The following TAOK1 variants were observed in gnomAD, a reference collection of about 807,000 sequenced individuals.
TAOK1 encodes the protein serine/threonine-protein kinase TAO1.
A neutral mutation model predicts 138.3 loss-of-function variants in TAOK1; 21 were observed. That is an observed-to-expected ratio of 0.15 (90% CI 0.11 to 0.22). The LOEUF is 0.22. TAOK1 is among the 10% of genes least tolerant of loss of function. TAOK1 has a pLI of 1.00. For synonymous variants in TAOK1, 361 were observed against 398.4 expected (o/e 0.91, Z 1.12); for missense variants, 651 against 1,227.7 (o/e 0.53, Z 7.02).
chr17:29,458,642 A>C (rs1477715310), intron 2 of TAOK1, among the ~76,000 whole-genome samples: 1 of 151,996 alleles, frequency 6.6e-6, no homozygotes, highest in African/African-American at 2.4e-5. Flanking sequence ...AATTACAGAC[A>C]TGCGCCACCA....
chr17:29,531,489 C>G (rs890651552), intron 18 of TAOK1, among the ~76,000 whole-genome samples: 1 of 286 alleles, frequency 3.5e-3, no homozygotes, highest in Non-Finnish European at 0.083. Context: ...AGGCTGCGCG[C>G]CAGTGGCTCA....
intron 17 of TAOK1, among the ~76,000 whole-genome samples, chr17:29,523,583 TCACC>T (rs2031958382): frequency 6.6e-6 from 1 of 152,112 alleles, no homozygotes; most frequent in Non-Finnish European, 1.5e-5. Context: ...GAGACGGGGT[TCACC>T]GTGTTAGCCA....
chr17:29,497,926 A>G (rs1474438037), intron 11 of TAOK1, among the ~76,000 whole-genome samples: 1 of 151,866 alleles, frequency 6.6e-6, no homozygotes, highest in Non-Finnish European at 1.5e-5. Flanking sequence ...TTTTTTTTTA[A>G]AAGGAGAGAT....
intron 1 of TAOK1, among the ~76,000 whole-genome samples, chr17:29,414,975 G>T (rs565841389): frequency 6.6e-6 from 1 of 151,518 alleles, no homozygotes; most frequent in Admixed American, 6.6e-5. Flanking sequence ...TTTTGCTCGG[G>T]GGTGGAGGAA....
At chr17:29,541,004 C>G (rs2032305855) in intron 19 of TAOK1, among the ~76,000 whole-genome samples, 1 of 152,132 alleles carries the variant, frequency 6.6e-6, no homozygotes, top group Non-Finnish European at 1.5e-5. Flanking sequence ...CCACGCCCGG[C>G]CTTGATACAT....
intron 1 of TAOK1, among the ~76,000 whole-genome samples, chr17:29,396,735 C>T (rs746301814): frequency 2.6e-5 from 4 of 151,512 alleles, no homozygotes; most frequent in South Asian, 2.1e-4. Flanking sequence ...TGGTGGCTCA[C>T]GCCTGTAATC....
chr17:29,479,257 A>G (rs907509373), intron 6 of TAOK1, among the ~76,000 whole-genome samples: 2 of 152,064 alleles, frequency 1.3e-5, no homozygotes, highest in Non-Finnish European at 2.9e-5. Flanking sequence ...TTTATAATGT[A>G]TTTTTGGCAC....
chr17:29,393,121 A>C (rs1337389696), intron 1 of TAOK1, among the ~76,000 whole-genome samples: 1 of 152,150 alleles, frequency 6.6e-6, no homozygotes, highest in East Asian at 1.9e-4. Flanking sequence ...GTTGATATGT[A>C]GAGTTTTCTC....
At chr17:29,405,190 G>C (rs187825736) in intron 1 of TAOK1, among the ~76,000 whole-genome samples, 2 of 152,178 alleles carry the variant, frequency 1.3e-5, no homozygotes, top group African/African-American at 4.8e-5. Context: ...GTTTCACCAT[G>C]TTGGTCAGGC....
At position 29,453,171 on chromosome 17, in the gene TAOK1, T is replaced by G. The variant is rs2030285431; in HGVS notation, c.132+1491T>G. Among the ~76,000 whole-genome samples the G allele has an allele frequency of 2.6e-5, 4 of 150,998 alleles. No homozygotes were observed. The South Asian group carries it at 8.4e-4, about 32-fold the overall frequency. ...GTTTCTGGCTTACTTTTTTTTTTTT[T>G]TTTTTTGAGATGGAGTCTCGCTCTA... On this transcript the variant is annotated intron_variant, in intron 2 of 19. Coordinates refer to ENST00000261716, the MANE Select transcript of TAOK1 (RefSeq NM_020791.4).
At chr17:29,413,919 A>G (rs1905205821) in intron 1 of TAOK1, among the ~76,000 whole-genome samples, 1 of 113,488 alleles carries the variant, frequency 8.8e-6, no homozygotes, top group Non-Finnish European at 1.6e-5. Flanking sequence ...GAGTTGCTCT[A>G]TCGCCCAGGC....
intron 19 of TAOK1, among the ~76,000 whole-genome samples, chr17:29,538,275 G>T (rs2032258371): frequency 6.6e-6 from 1 of 152,082 alleles, no homozygotes; most frequent in Admixed American, 6.6e-5. Flanking sequence ...GTTAGTAGTG[G>T]CTATGTTAAT....
chr17:29,546,464 A>T lies in TAOK1; in HGVS notation c.*3442A>T, dbSNP rs930027640. 5 of 152,112 alleles carry T rather than the reference A, an allele frequency of 3.3e-5. No individual in the cohort carries two copies. The highest frequency in any genetic ancestry group is 1.2e-4 in the African/African-American group (5 of 41,434). 9.4% of individuals were successfully genotyped at this position (152,112 alleles called of 1,614,324 possible). A position where few individuals can be genotyped will look rare whatever the true frequency, so the allele number is the denominator to read the frequency against. On this transcript the variant is annotated 3_prime_UTR_variant, in exon 20 of 20. Transcript: ENST00000261716. ...ACTTTAGTAACTTTCTATTTCTGTA[A>T]GTACTAAATGTCTGGCATTTTAAAC...
At chr17:29,519,529 A>AAT (rs1862553668) in intron 16 of TAOK1, among the ~76,000 whole-genome samples, 3 of 151,164 alleles carry the variant, frequency 2.0e-5, no homozygotes, top group Admixed American at 2.0e-4. Flanking sequence ...AGAAAAAAAA[A>AAT]GAAAAGAAAA....
chr17:29,487,208 T>G (rs893232239), intron 8 of TAOK1, among the ~76,000 whole-genome samples: 2 of 134,228 alleles, frequency 1.5e-5, no homozygotes, highest in South Asian at 4.5e-4. Context: ...ATTGTGCCAT[T>G]GCACTCCAGC....
intron 17 of TAOK1, among the ~76,000 whole-genome samples, chr17:29,529,938 G>A (rs1270467095): frequency 6.6e-6 from 1 of 151,344 alleles, no homozygotes; most frequent in African/African-American, 2.4e-5. Flanking sequence ...GAGGTGGGAC[G>A]ATTGCTTGAG....
intron 13 of TAOK1, among the ~76,000 whole-genome samples, chr17:29,503,172 G>A (rs185636304): frequency 6.6e-5 from 10 of 152,102 alleles, no homozygotes; most frequent in East Asian, 1.9e-4. Flanking sequence ...CGAAGCGGGC[G>A]GATCACGAGG....
At chr17:29,503,488 G>T (rs1366314964) in intron 13 of TAOK1, among the ~76,000 whole-genome samples, 1 of 151,550 alleles carries the variant, frequency 6.6e-6, no homozygotes, top group African/African-American at 2.4e-5. Context: ...ATGGCAAGCA[G>T]TACAATGTGG....
chr17:29,435,567 G>A (rs1223793271), intron 1 of TAOK1, among the ~76,000 whole-genome samples: 2 of 152,166 alleles, frequency 1.3e-5, no homozygotes, highest in African/African-American at 4.8e-5. Flanking sequence ...TAAACTTGGA[G>A]CTCCTAGAAC....
Sources: gnomAD v4.1 joint callset for allele counts (sites outside exome capture counted in the v4.1 genomes callset) on GRCh38, gnomAD v4.1.1 for gene constraint, MANE v1.5 for transcripts, NCBI Gene and HGNC (gene_info 2026-07-23, HGNC 2026-07-21) for gene names.